Variants in TCEAL4 observed in about 807,000 individuals in gnomAD.
The protein encoded by TCEAL4 is transcription elongation factor A protein-like 4.
In TCEAL4, 1 loss-of-function variant was observed where a neutral mutation model predicts 1.3. The ratio of observed to expected loss-of-function variants is 0.79; its 90% CI spans 0.28 to 3.76. The LOEUF (loss-of-function observed/expected upper bound fraction) is 3.76. Ranked by LOEUF, TCEAL4 falls within the 30% of genes most tolerant of loss-of-function variation. The pLI, the probability that TCEAL4 is intolerant of heterozygous loss-of-function variation, is 0.18. For synonymous variants in TCEAL4, 54 were observed against 50.7 expected (o/e 1.06, Z -0.28); for missense variants, 129 against 154.7 (o/e 0.83, Z 0.88).
intron 1 of TCEAL4, 176 bp from the exon 2 acceptor site, chrX:103,586,042 GT>G: frequency 9.2e-7 from 1 of 1,085,549 alleles, no homozygotes; most frequent in Non-Finnish European, 1.2e-6. Flanking sequence ...CCCAAAATTA[GT>G]TTGGAAAGCA....
At chrX:103,580,829 A>G (rs1286044292), upstream of TCEAL4, among the ~76,000 whole-genome samples, 2 of 111,607 alleles carry the variant, frequency 1.8e-5, no homozygotes, top group African/African-American at 6.5e-5. Flanking sequence ...CAACTAAAAG[A>G]GCTAGAGAAC....
chrX:103,580,124 G>A (rs1208414286), intron 2 of TCEAL4, among the ~76,000 whole-genome samples: 3 of 111,907 alleles, frequency 2.7e-5, no homozygotes, highest in Admixed American at 9.5e-5. Context: ...ATCTCTAGAG[G>A]GCAATATCAC....
chrX:103,586,358 A>G, intron 2 of TCEAL4, 67 bp downstream of exon 2: 15 of 1,123,752 alleles, frequency 1.3e-5, no homozygotes, highest in South Asian at 2.0e-5. Flanking sequence ...GGGCCCGGCC[A>G]GGGCCGAATT....
intron 1 of TCEAL4, 74 bp from the exon 2 acceptor site, chrX:103,586,145 T>C: frequency 1.7e-6 from 2 of 1,153,361 alleles, no homozygotes; most frequent in Non-Finnish European, 1.2e-6. Context: ...GGGCCTGGAC[T>C]CAGGAAAGGG....
intron 2 of TCEAL4, among the ~76,000 whole-genome samples, chrX:103,580,407 TACAA>T (rs981518450): frequency 2.7e-5 from 3 of 112,034 alleles, no homozygotes; most frequent in Non-Finnish European, 5.6e-5. Context: ...GTAGTTATAA[TACAA>T]ACAAAGAATA....
At chrX:103,583,420 C>A (rs1469077957), upstream of TCEAL4, among the ~76,000 whole-genome samples, 1 of 111,907 alleles carries the variant, frequency 8.9e-6, no homozygotes, top group Non-Finnish European at 1.9e-5. Context: ...CCCGTATGTT[C>A]ATTGCAGCAC....
At chrX:103,586,157 A>T in intron 1 of TCEAL4, 62 bp from the exon 2 acceptor site, 2 of 1,157,872 alleles carry the variant, frequency 1.7e-6, no homozygotes, top group Non-Finnish European at 1.2e-6. Context: ...AGGAAAGGGA[A>T]CCGCGTCCGT....
chrX:103,576,725 C>T (rs1202611006), intron 1 of TCEAL4, among the ~76,000 whole-genome samples: 3 of 112,417 alleles, frequency 2.7e-5, no homozygotes, highest in African/African-American at 9.7e-5. Flanking sequence ...TATTGCACCA[C>T]TGCACTCCAG....
chrX:103,585,464 A>C, upstream of TCEAL4: 2 of 1,085,041 alleles, frequency 1.8e-6, no homozygotes, highest in Non-Finnish European at 2.4e-6. Flanking sequence ...GCTGGCTAGG[A>C]GGCGGGGCGT....
At chrX:103,577,660 A>C (rs760118970) in intron 2 of TCEAL4, among the ~76,000 whole-genome samples, 2 of 111,929 alleles carry the variant, frequency 1.8e-5, no homozygotes, top group Non-Finnish European at 3.8e-5. Context: ...TCAAGTTCTT[A>C]GAATAAATCC....
In TCEAL4 at chrX:103,586,224, C is replaced by G; in HGVS notation, c.-95C>G. The G allele has an allele frequency of 8.6e-7, 1 of 1,166,249 alleles. No homozygotes were observed. The highest frequency in any genetic ancestry group is 1.1e-6 in the Non-Finnish European group (1 of 872,913). ...TGTCTCCTGTCTGTCTGCAGGTCTG[C>G]GCGTCTGTTGTTCCCAGCGCTCTGC... On this transcript the variant is annotated 5_prime_UTR_variant, in exon 2 of 3. Transcript: ENST00000472484.
intron 2 of TCEAL4, among the ~76,000 whole-genome samples, chrX:103,578,137 T>C (rs1001164580): frequency 2.7e-5 from 3 of 112,515 alleles, no homozygotes; most frequent in Admixed American, 9.4e-5. Flanking sequence ...GGCACAAGGT[T>C]TTCAAGGTTC....
chrX:103,578,438 T>C (rs2073493664), intron 2 of TCEAL4, among the ~76,000 whole-genome samples: 1 of 111,923 alleles, frequency 8.9e-6, no homozygotes, highest in Non-Finnish European at 1.9e-5. Flanking sequence ...CACAGTAGTG[T>C]GCCATTTGAT....
chrX:103,583,225 G>C (rs1272332497), upstream of TCEAL4, among the ~76,000 whole-genome samples: 1 of 112,152 alleles, frequency 8.9e-6, no homozygotes, highest in Non-Finnish European at 1.9e-5. Flanking sequence ...AACAGATGCT[G>C]GTGAGGCTGC....
Position 103,586,921 on chromosome X carries a change from A to C in TCEAL4, c.246A>C (p.Ser82=). 1.7e-6 allele frequency: 2 copies of C among 1,204,170 alleles called. No individual in the cohort carries two copies. Among genetic ancestry groups the C allele is most frequent in the Non-Finnish European group, 1.1e-6 (1 of 891,494 alleles). ...KEGKSEREGE[S]EMEGGSEREG... is the part of the protein sequence containing the mutation. ...GAAAGTCAGAGAGGGAGGGAGAGTC[A>C]GAGATGGAGGGAGGATCAGAGAGAG... The change falls in exon 3 of 3, where the codon TCA becomes TCC. Residue 82 remains serine (S), a synonymous_variant. Coordinates refer to ENST00000472484, the MANE Select transcript of TCEAL4 (RefSeq NM_001006935.3).
At chrX:103,583,665 T>C (rs916495938), upstream of TCEAL4, among the ~76,000 whole-genome samples, 16 of 111,469 alleles carry the variant, frequency 1.4e-4, no homozygotes, top group African/African-American at 4.9e-4. Context: ...TGAGAACACA[T>C]GGACACATGT....
intron 2 of TCEAL4, chrX:103,577,258 A>C (rs1229966545): frequency 1.8e-6 from 2 of 1,122,342 alleles, no homozygotes; most frequent in Non-Finnish European, 2.4e-6. Context: ...CAATAGATCA[A>C]TGTTGTTAAT....
At chrX:103,586,158 C>G in intron 1 of TCEAL4, 61 bp from the exon 2 acceptor site, 1 of 1,158,166 alleles carries the variant, frequency 8.6e-7, no homozygotes. Flanking sequence ...GGAAAGGGAA[C>G]CGCGTCCGTG....
upstream of TCEAL4, among the ~76,000 whole-genome samples, chrX:103,585,168 T>C (rs1358761655): frequency 8.9e-6 from 1 of 112,117 alleles, no homozygotes; most frequent in Non-Finnish European, 1.9e-5. Flanking sequence ...TCATTTATTT[T>C]GGAAAATTTT....
Sources: gnomAD v4.1 joint callset for allele counts (sites outside exome capture counted in the v4.1 genomes callset) on GRCh38, gnomAD v4.1.1 for gene constraint, MANE v1.5 for transcripts, NCBI Gene and HGNC (gene_info 2026-07-23, HGNC 2026-07-21) for gene names.